Variants in ATXN2 observed in about 807,000 individuals in gnomAD.
The protein encoded by ATXN2 is ataxin-2.
ATXN2 carries 37 observed loss-of-function variants against 138.6 expected under a neutral mutation model. The observed-to-expected ratio is 0.27, with a 90% CI of 0.21 to 0.35. ATXN2 has a LOEUF of 0.35. Among genes scored for constraint, ATXN2 ranks in the 10% least tolerant of loss-of-function variants. ATXN2 has a pLI of 1.00. For missense variants in ATXN2, 1,216 were observed against 1,480.3 expected (o/e 0.82, Z 2.93); for synonymous variants, 549 against 543.7 (o/e 1.01, Z -0.13).
intron 5 of ATXN2, among the ~76,000 whole-genome samples, chr12:111,549,149 G>C (rs1210537731): frequency 6.6e-6 from 1 of 152,044 alleles, no homozygotes; most frequent in Non-Finnish European, 1.5e-5. Context: ...AGGATCCCTA[G>C]AAGTGAGAAC....
chr12:111,496,868 A>G (rs553367397), intron 14 of ATXN2, among the ~76,000 whole-genome samples: 2 of 152,270 alleles, frequency 1.3e-5, no homozygotes, highest in East Asian at 3.9e-4. Context: ...GAAATAAAAA[A>G]AATCAAAGCA....
At chr12:111,530,995 G>A (rs1038116012) in intron 5 of ATXN2, among the ~76,000 whole-genome samples, 17 of 151,968 alleles carry the variant, frequency 1.1e-4, no homozygotes, top group African/African-American at 3.9e-4. Context: ...GTGCATGCCT[G>A]TAATCCCAGC....
At chr12:111,541,684 T>A (rs1881527436) in intron 5 of ATXN2, among the ~76,000 whole-genome samples, 1 of 149,504 alleles carries the variant, frequency 6.7e-6, no homozygotes, top group African/African-American at 2.4e-5. Context: ...TCCTCCTTTA[T>A]GACTCTTGTG....
At chr12:111,572,928 C>T (rs948290843) in intron 1 of ATXN2, among the ~76,000 whole-genome samples, 1 of 151,960 alleles carries the variant, frequency 6.6e-6, no homozygotes, top group South Asian at 2.1e-4. Flanking sequence ...CCCATGATAT[C>T]GTACAACACT....
chr12:111,470,761 A>G lies in ATXN2; in HGVS notation c.2525-19T>C. 6.2e-7 allele frequency: 1 copy of G among 1,613,194 alleles called. No homozygotes were observed. The highest frequency in any genetic ancestry group is 8.5e-7 in the Non-Finnish European group (1 of 1,179,442). On this transcript the variant is annotated intron_variant, in intron 18 of 24. Transcript: ENST00000673436. Reference sequence around the variant, plus strand: ...TTTGGTACTGCAGAAAAAAAAGCAGACTGCCTATTAAACAGTATCTCCACA... The same window carrying G: ...TTTGGTACTGCAGAAAAAAAAGCAGGCTGCCTATTAAACAGTATCTCCACA...
At position 111,509,878 on chromosome 12, in the gene ATXN2, T is replaced by C; in HGVS notation, c.1864+13A>G. ...TTCCTACAGTTAAGCTTAATGACTCTTTAAACTCTAACCTTTGTTTTCAGC... is the reference window on the plus strand; with the variant it reads ...TTCCTACAGTTAAGCTTAATGACTCCTTAAACTCTAACCTTTGTTTTCAGC... On this transcript the variant is annotated intron_variant, in intron 13 of 24. Coordinates refer to ENST00000673436, the MANE Select transcript of ATXN2 (RefSeq NM_001372574.1). The C allele has an allele frequency of 1.3e-6, 2 of 1,577,642 alleles. No individual in the cohort carries two copies. Among genetic ancestry groups the C allele is most frequent in the South Asian group, 2.2e-5 (2 of 89,666 alleles).
At chr12:111,558,393 T>G (rs1435185909) in intron 1 of ATXN2, among the ~76,000 whole-genome samples, 1 of 152,234 alleles carries the variant, frequency 6.6e-6, no homozygotes, top group East Asian at 1.9e-4. Context: ...AGTATATTTA[T>G]GATTAGATAG....
In ATXN2 at chr12:111,598,793, C is replaced by A; in HGVS notation, c.242G>T (p.Gly81Val). The A allele has an allele frequency of 7.2e-7, 1 of 1,385,990 alleles. No homozygotes were observed. Among genetic ancestry groups the A allele is most frequent in the Non-Finnish European group, 9.3e-7 (1 of 1,077,476 alleles). The allele number at this position is 1,385,990 out of a possible 1,614,324, so 85.9% of individuals were successfully genotyped here. A position where few individuals can be genotyped will look rare whatever the true frequency, so the allele number is the denominator to read the frequency against. ...VAATSGGGRPGLGRGRNSNKG... is the reference protein window; with the variant it reads ...VAATSGGGRPVLGRGRNSNKG... ...GGGTGCCGACACCCACCTGCCCAGG[C>A]CGGGCCTCCCGCCGCCGGAGGTCGC... The change falls in exon 1 of 25, where the codon GGC becomes GTC. Residue 81 changes from glycine (G) to valine (V), a missense_variant. By Grantham distance (109) the Gly-to-Val change is moderately radical. Coordinates refer to ENST00000673436, the MANE Select transcript of ATXN2 (RefSeq NM_001372574.1). This position sits in a 1 kb window ranked among gnomAD's most constrained non-coding sequence, Gnocchi z 4.5.
chr12:111,455,869 CA>C, intron 23 of ATXN2, 159 bp downstream of exon 23: 1 of 745,240 alleles, frequency 1.3e-6, no homozygotes, highest in Non-Finnish European at 2.4e-6. Flanking sequence ...ACCACACAAA[CA>C]TTCCCTTAGG....
chr12:111,508,006 A>G (rs986147400), intron 14 of ATXN2, among the ~76,000 whole-genome samples: 3 of 152,224 alleles, frequency 2.0e-5, no homozygotes, highest in African/African-American at 7.2e-5. Flanking sequence ...TCAAGTACCC[A>G]GGGACACAAA....
At chr12:111,509,484 A>G in intron 14 of ATXN2, 65 bp downstream of exon 14, 1 of 924,040 alleles carries the variant, frequency 1.1e-6, no homozygotes, top group South Asian at 1.5e-5. Context: ...ATTTTTATAA[A>G]TAGATAAATC....
chr12:111,504,256 A>G (rs1331542767), intron 14 of ATXN2, among the ~76,000 whole-genome samples: 2 of 152,210 alleles, frequency 1.3e-5, no homozygotes, highest in African/African-American at 4.8e-5. Context: ...TAGTCAACAG[A>G]CTTCCAACAA....
chr12:111,530,223 A>C (rs921001232), intron 5 of ATXN2, among the ~76,000 whole-genome samples: 2 of 152,244 alleles, frequency 1.3e-5, no homozygotes, highest in African/African-American at 4.8e-5. Context: ...TGCACTCATA[A>C]GTCTGGACGA....
chr12:111,572,315 C>A (rs368877662), intron 1 of ATXN2, among the ~76,000 whole-genome samples: 23 of 151,864 alleles, frequency 1.5e-4, no homozygotes, highest in African/African-American at 5.1e-4. Flanking sequence ...GCAGGAGAAT[C>A]ACTTGAACCT....
intron 14 of ATXN2, among the ~76,000 whole-genome samples, chr12:111,503,502 G>A (rs1234317706): frequency 1.3e-5 from 2 of 151,666 alleles, no homozygotes; most frequent in Non-Finnish European, 2.9e-5. Context: ...AAACATAAGA[G>A]AATAACATTA....
In ATXN2 at chr12:111,488,753, T is replaced by C. The variant is rs1159280613; in HGVS notation, c.1963A>G (p.Met655Val). 7.5e-6 allele frequency: 12 copies of C among 1,608,760 alleles called. No homozygotes were observed. Among genetic ancestry groups the C allele is most frequent in the Middle Eastern group, 1.6e-4 (1 of 6,076 alleles). Residue 655 changes from methionine to valine, a missense_variant, in exon 15 of 25, where the codon ATG (methionine) becomes GTG (valine). Met to Val is a conservative substitution (Grantham distance 21). Coordinates refer to ENST00000673436, the MANE Select transcript of ATXN2 (RefSeq NM_001372574.1). The part of the protein sequence containing the change: ...RLQPSSTSES[M>V]DQLLNKNREG... ...CTATTTTTGTTTAGTAGTTGATCCA[T>C]AGATTCAGAAGTAGAACTTGGCTGT...
At chr12:111,560,491 C>G (rs927714587) in intron 1 of ATXN2, among the ~76,000 whole-genome samples, 5 of 152,054 alleles carry the variant, frequency 3.3e-5, no homozygotes, top group Admixed American at 2.0e-4. Flanking sequence ...AGCTTAACAG[C>G]TGGGTACAGT....
chr12:111,516,389 A>C lies in ATXN2; in HGVS notation c.1166-26T>G. On this transcript the variant is annotated intron_variant, in intron 9 of 24. Coordinates refer to ENST00000673436, the MANE Select transcript of ATXN2 (RefSeq NM_001372574.1). This position sits in a 1 kb window ranked among gnomAD's most constrained non-coding sequence, Gnocchi z 5.0. ...CTGACAGAACAAATGATATGAAGGAAAGTATAAAAACTAAAGAAAAAAATG... is the reference window on the plus strand; with the variant it reads ...CTGACAGAACAAATGATATGAAGGACAGTATAAAAACTAAAGAAAAAAATG... 6.5e-7 allele frequency: 1 copy of C among 1,528,360 alleles called. No individual in the cohort carries two copies. Among genetic ancestry groups the C allele is most frequent in the Non-Finnish European group, 8.8e-7 (1 of 1,135,158 alleles). 94.7% of individuals were successfully genotyped at this position (1,528,360 alleles called of 1,614,324 possible). A position where few individuals can be genotyped will look rare whatever the true frequency, so the allele number is the denominator to read the frequency against.
At chr12:111,531,342 T>C (rs1050030255) in intron 5 of ATXN2, among the ~76,000 whole-genome samples, 1 of 152,000 alleles carries the variant, frequency 6.6e-6, no homozygotes, top group African/African-American at 2.4e-5. Context: ...GAACCTTGAA[T>C]TGCTTGAACT....
Sources: allele counts gnomAD v4.1 joint callset (sites outside exome capture counted in the v4.1 genomes callset), GRCh38; gene constraint gnomAD v4.1.1; non-coding constraint Gnocchi (gnomAD v3.1); transcripts MANE v1.5; gene names NCBI Gene and HGNC (gene_info 2026-07-23, HGNC 2026-07-21).